Variants in RARB observed in about 807,000 individuals in gnomAD.
The protein encoded by RARB is HBV-activated protein.
In RARB, 17 loss-of-function variants were observed where a neutral mutation model predicts 51.9. That is an observed-to-expected ratio of 0.33 (90% CI 0.22 to 0.49). The LOEUF is 0.49. Among genes scored for constraint, RARB ranks in the 20% least tolerant of loss-of-function variants. The pLI is 0.99. For missense variants in RARB, 369 were observed against 550.8 expected (o/e 0.67, Z 3.30); for synonymous variants, 215 against 195.4 (o/e 1.10, Z -0.84).
chr3:25,172,313 A>T (rs186144160), intron 4 of RARB, among the ~76,000 whole-genome samples: 1 of 152,350 alleles, frequency 6.6e-6, no homozygotes, highest in African/African-American at 2.4e-5. Context: ...GGGCAAGAGC[A>T]GAGAAGGTGA....
chr3:25,196,756 A>T (rs527903711), intron 5 of RARB, among the ~76,000 whole-genome samples: 3 of 151,924 alleles, frequency 2.0e-5, no homozygotes, highest in Non-Finnish European at 4.4e-5. Context: ...TTTAATGATC[A>T]CCATTCTAAC....
intron 2 of RARB, among the ~76,000 whole-genome samples, chr3:25,469,359 A>G (rs534081191): frequency 6.6e-6 from 1 of 152,190 alleles, no homozygotes; most frequent in Non-Finnish European, 1.5e-5. Context: ...CATGAACATG[A>G]TGCTGTCTTT....
chr3:24,847,398 T>C (rs781216000), intron 1 of RARB, among the ~76,000 whole-genome samples: 14 of 152,194 alleles, frequency 9.2e-5, no homozygotes, highest in Non-Finnish European at 1.9e-4. Context: ...TGGAGGAAGA[T>C]TGTTCTTCAA....
rs117748046 is a variant in RARB at position 25,080,029 on chromosome 3, C to T, written c.-328+19853C>T. Among the ~76,000 whole-genome samples the T allele has an allele frequency of 4.6e-5, 7 of 152,326 alleles. No homozygotes were observed. The East Asian group carries it at 1.4e-3, about 29-fold the overall frequency. On this transcript the variant is annotated intron_variant, in intron 3 of 11. Coordinates refer to the RARB transcript ENST00000383772. ...TTAAACAATGTTGTACAACCATCAT[C>T]ATGATTTCCAAAATTTTTTCATCAC...
chr3:25,068,424 G>A (rs1698706746), intron 3 of RARB, among the ~76,000 whole-genome samples: 1 of 152,026 alleles, frequency 6.6e-6, no homozygotes, highest in Admixed American at 6.6e-5. Flanking sequence ...GTTTGAGGAG[G>A]AAAGAAATAG....
rs1410273356 is a variant in RARB at position 25,063,955 on chromosome 3, G to A, written c.-328+3779G>A. 5.9e-5 allele frequency among the ~76,000 whole-genome samples: 9 copies of A among 152,050 alleles called. No individual in the cohort carries two copies. In the East Asian group the frequency reaches 1.7e-3, roughly 29 times the overall value. Reference sequence around the variant, plus strand: ...TAATTACCAAATGCCAGATTCGAATGATCTCCTCATTTCTGATTGCAGTTG... The same window carrying A: ...TAATTACCAAATGCCAGATTCGAATAATCTCCTCATTTCTGATTGCAGTTG... On this transcript the variant is annotated intron_variant, in intron 3 of 11. Coordinates refer to the RARB transcript ENST00000383772.
intron 1 of RARB, among the ~76,000 whole-genome samples, chr3:24,857,188 T>A (rs966342949): frequency 6.6e-6 from 1 of 152,234 alleles, no homozygotes; most frequent in Non-Finnish European, 1.5e-5. Context: ...TCATTCTTTT[T>A]AAAATTTCTC....
At chr3:25,294,003 C>T (rs1009725058) in intron 5 of RARB, among the ~76,000 whole-genome samples, 2 of 152,098 alleles carry the variant, frequency 1.3e-5, no homozygotes, top group Non-Finnish European at 1.5e-5. Context: ...AGCTTCAGCC[C>T]AAGTATCACA....
chr3:24,958,481 TTC>T, intron 2 of RARB, among the ~76,000 whole-genome samples: 1 of 152,198 alleles, frequency 6.6e-6, no homozygotes, highest in East Asian at 1.9e-4. Context: ...GCCATTAAAA[TTC>T]TCTCACACCC....
chr3:25,030,101 A>G (rs1347308751), intron 2 of RARB, among the ~76,000 whole-genome samples: 1 of 152,234 alleles, frequency 6.6e-6, no homozygotes, highest in African/African-American at 2.4e-5. Context: ...AGGGTGATCA[A>G]GTAGATTGTA....
chr3:24,913,976 G>A (rs867285137), intron 2 of RARB, among the ~76,000 whole-genome samples: 4 of 152,132 alleles, frequency 2.6e-5, no homozygotes, highest in East Asian at 1.9e-4. Context: ...TTCTCTATGC[G>A]ATGGAAATAC....
chr3:24,990,094 C>G lies in RARB; in HGVS notation c.-379-70031C>G, dbSNP rs1463972197. Among the ~76,000 whole-genome samples, 2 of 97,972 alleles carry G rather than the reference C, an allele frequency of 2.0e-5. 1 individual carries two copies. Among genetic ancestry groups the G allele is most frequent in the African/African-American group, 8.1e-5 (2 of 24,806 alleles). 64.3% of individuals were successfully genotyped at this position (97,972 alleles called of 152,430 possible). On this transcript the variant is annotated intron_variant, in intron 2 of 11. Transcript: ENST00000383772. ...GATTACAGGCGTGAGCCACCGCGCC[C>G]TGCCTTTCTTTTTAATATAATGGAA... is the stretch of plus-strand genomic sequence containing the variant.
At chr3:25,111,877 C>T (rs1361162130) in intron 3 of RARB, among the ~76,000 whole-genome samples, 1 of 151,954 alleles carries the variant, frequency 6.6e-6, no homozygotes, top group Admixed American at 6.6e-5. Flanking sequence ...GGCCCGACTC[C>T]AACAAATTTT....
intron 5 of RARB, among the ~76,000 whole-genome samples, chr3:25,225,565 A>G (rs776740553): frequency 6.6e-6 from 1 of 152,182 alleles, no homozygotes; most frequent in African/African-American, 2.4e-5. Context: ...TTAATATACC[A>G]TAATAAAAAT....
chr3:25,261,342 C>T (rs544495565), intron 5 of RARB, among the ~76,000 whole-genome samples: 6 of 152,168 alleles, frequency 3.9e-5, no homozygotes, highest in Non-Finnish European at 5.9e-5. Flanking sequence ...GCTCCTAGAA[C>T]ACCATACTTA....
chr3:25,053,129 T>C (rs1243345271), intron 2 of RARB, among the ~76,000 whole-genome samples: 3 of 152,242 alleles, frequency 2.0e-5, no homozygotes, highest in South Asian at 4.1e-4. Context: ...GGAGAGATTA[T>C]AGTTTTTAAG....
At chr3:24,939,924 G>A (rs1695624727) in intron 2 of RARB, among the ~76,000 whole-genome samples, 1 of 152,112 alleles carries the variant, frequency 6.6e-6, no homozygotes, top group African/African-American at 2.4e-5. Flanking sequence ...CACAAATAAC[G>A]TGTTTTACCA....
chr3:25,098,823 C>A (rs1439878896), intron 3 of RARB, among the ~76,000 whole-genome samples: 1 of 152,172 alleles, frequency 6.6e-6, no homozygotes, highest in Non-Finnish European at 1.5e-5. Context: ...CTGAACAAAT[C>A]CAATGTTAAT....
intron 5 of RARB, among the ~76,000 whole-genome samples, chr3:25,187,387 AG>A (rs1287103666): frequency 6.6e-6 from 1 of 152,108 alleles, no homozygotes; most frequent in Non-Finnish European, 1.5e-5. Flanking sequence ...GGTAGGATAA[AG>A]AACACATGAG....
Sources: gnomAD v4.1 joint callset for allele counts (sites outside exome capture counted in the v4.1 genomes callset) on GRCh38, gnomAD v4.1.1 for gene constraint, MANE v1.5 for transcripts, NCBI Gene and HGNC (gene_info 2026-07-23, HGNC 2026-07-21) for gene names.